FSHR: variants seen among roughly 807,000 people sequenced by gnomAD.
FSHR encodes follicle-stimulating hormone receptor.
A neutral mutation model predicts 52.1 loss-of-function variants in FSHR; 46 were observed. That is an observed-to-expected ratio of 0.88 (90% CI 0.70 to 1.13). FSHR has a LOEUF of 1.13. Ranked by LOEUF, FSHR falls within the 50% of genes most tolerant of loss-of-function variation. The pLI is 0.00. For synonymous variants in FSHR, 399 were observed against 309.6 expected, an observed-to-expected ratio of 1.29 and a Z score of -3.03; for missense variants, 964 against 834.6, an observed-to-expected ratio of 1.16 and a Z score of -1.91.
chr2:48,999,876 T>C (rs1182006851), intron 4 of FSHR, among the ~76,000 whole-genome samples: 1 of 152,108 alleles, frequency 6.6e-6, no homozygotes, highest in African/African-American at 2.4e-5. Flanking sequence ...TATCCTGAGT[T>C]TGGTGTTTCC....
chr2:49,154,497 C>A lies in FSHR; in HGVS notation c.-80G>T. The A allele has an allele frequency of 6.9e-7, 1 of 1,458,304 alleles. No individual in the cohort carries two copies. The highest frequency in any genetic ancestry group is 9.6e-7 in the Non-Finnish European group (1 of 1,043,718). The allele number at this position is 1,458,304 out of a possible 1,614,324, so 90.3% of individuals were successfully genotyped here. ...CAGATCTCAGAAGCTCCACACAGTGCCCTTATGAGAAGAGATCTGACTTGA... is the reference window on the plus strand; with the variant it reads ...CAGATCTCAGAAGCTCCACACAGTGACCTTATGAGAAGAGATCTGACTTGA... On this transcript the variant is annotated 5_prime_UTR_variant, in exon 1 of 10. Coordinates refer to ENST00000406846, the MANE Select transcript of FSHR (RefSeq NM_000145.4).
At chr2:49,016,427 T>TA (rs1296039254) in intron 4 of FSHR, among the ~76,000 whole-genome samples, 1 of 152,124 alleles carries the variant, frequency 6.6e-6, no homozygotes, top group Non-Finnish European at 1.5e-5. Flanking sequence ...ATCTTGGCCT[T>TA]AAGATGCTTG....
intron 4 of FSHR, among the ~76,000 whole-genome samples, chr2:49,004,733 G>C (rs926867446): frequency 6.6e-6 from 1 of 152,108 alleles, no homozygotes; most frequent in Non-Finnish European, 1.5e-5. Flanking sequence ...AAAAATCAGA[G>C]CTAAGCTTTA....
intron 8 of FSHR, among the ~76,000 whole-genome samples, chr2:48,979,720 C>A (rs569971314): frequency 6.6e-5 from 10 of 151,998 alleles, no homozygotes; most frequent in Admixed American, 1.3e-4. Context: ...AATGCATTAC[C>A]CTGATTCTGC....
At chr2:49,125,648 C>T (rs912624762) in intron 1 of FSHR, among the ~76,000 whole-genome samples, 1 of 152,226 alleles carries the variant, frequency 6.6e-6, no homozygotes, top group Admixed American at 6.5e-5. Context: ...TATACAGTCT[C>T]TGCTTTCTTC....
chr2:49,075,014 CAG>C (rs974334183), intron 1 of FSHR, among the ~76,000 whole-genome samples: 4 of 151,934 alleles, frequency 2.6e-5, no homozygotes, highest in African/African-American at 7.2e-5. Context: ...AAAAGTATAA[CAG>C]AGGATACTAG....
At chr2:48,998,150 G>C (rs943307672) in intron 4 of FSHR, among the ~76,000 whole-genome samples, 5 of 152,024 alleles carry the variant, frequency 3.3e-5, no homozygotes, top group African/African-American at 1.2e-4. Context: ...AAAAAGACAA[G>C]TGATCCAAAT....
chr2:49,128,805 C>T (rs900695941), intron 1 of FSHR, among the ~76,000 whole-genome samples: 9 of 151,822 alleles, frequency 5.9e-5, no homozygotes, highest in Admixed American at 2.0e-4. Flanking sequence ...TGGAAAAACT[C>T]GGACATGTGG....
chr2:49,133,821 G>T (rs758540947), intron 1 of FSHR, among the ~76,000 whole-genome samples: 8 of 152,186 alleles, frequency 5.3e-5, no homozygotes, highest in Admixed American at 1.3e-4. Flanking sequence ...AATGGGGAAA[G>T]GATTCCCTAT....
intron 1 of FSHR, among the ~76,000 whole-genome samples, chr2:49,071,529 A>G (rs1669729608): frequency 6.6e-6 from 1 of 152,204 alleles, no homozygotes. Flanking sequence ...GGATAAGAAA[A>G]TTTAATCCAG....
At chr2:49,099,149 A>G (rs1461348266) in intron 1 of FSHR, among the ~76,000 whole-genome samples, 1 of 151,980 alleles carries the variant, frequency 6.6e-6, no homozygotes, top group Non-Finnish European at 1.5e-5. Context: ...CATGGTTTAA[A>G]TGTGTTCCTA....
Position 48,971,783 on chromosome 2 carries a change from T to C in FSHR, c.669-2900A>G, listed in dbSNP as rs377146734. Among the ~76,000 whole-genome samples the C allele has an allele frequency of 5.4e-3, 823 of 152,342 alleles. 8 individuals are homozygous for C. The highest frequency in any genetic ancestry group is 0.019 in the African/African-American group (786 of 41,578). On this transcript the variant is annotated intron_variant, in intron 8 of 9. Transcript: ENST00000406846. The stretch of plus-strand genomic sequence containing the variant: ...ATGTTTGATGACTTTTTAAGGCTCA[T>C]ACAAATTTATACATTTTATGCCTTC...
chr2:49,104,488 TTTA>T (rs1419350123), intron 1 of FSHR, among the ~76,000 whole-genome samples: 23 of 152,298 alleles, frequency 1.5e-4, no homozygotes, highest in African/African-American at 5.3e-4. Context: ...AGGCTTTTCT[TTTA>T]GATAGAAAGA....
At chr2:49,011,469 T>C (rs1573089913) in intron 4 of FSHR, among the ~76,000 whole-genome samples, 2 of 152,310 alleles carry the variant, frequency 1.3e-5, no homozygotes, top group South Asian at 4.1e-4. Flanking sequence ...AGTTTTGGAA[T>C]AGGTGTGGTG....
At chr2:49,024,255 A>G (rs114087274) in intron 2 of FSHR, among the ~76,000 whole-genome samples, 1,654 of 152,152 alleles carry the variant, frequency 0.011, 23 homozygotes, top group African/African-American at 0.038. Context: ...CACATCATGT[A>G]TCCCAGAATT....
rs188228383 is a variant in FSHR, at chr2:48,977,365, A to C, written c.668+5547T>G. Among the ~76,000 whole-genome samples, 607 of 152,274 alleles carry C rather than the reference A, an allele frequency of 4.0e-3. 5 individuals carry two copies. Among genetic ancestry groups the C allele is most frequent in the Non-Finnish European group, 6.8e-3 (463 of 68,012 alleles). The stretch of plus-strand genomic sequence containing the variant: ...GTTTAGGATTTATATGAGCAGAAGA[A>C]TGGTTTATTCAAAGCTGGATTTTTG... On this transcript the variant is annotated intron_variant, in intron 8 of 9. Coordinates refer to ENST00000406846, the MANE Select transcript of FSHR (RefSeq NM_000145.4).
chr2:49,019,938 A>G, intron 3 of FSHR, 148 bp downstream of exon 3: 1 of 789,426 alleles, frequency 1.3e-6, no homozygotes, highest in Non-Finnish European at 2.3e-6. Context: ...GACACATTAC[A>G]GTGCCTTTTA....
At position 49,032,981 on chromosome 2, in the gene FSHR, G is replaced by A. The variant is rs543975819; in HGVS notation, c.225-12821C>T. 5.9e-5 allele frequency among the ~76,000 whole-genome samples: 9 copies of A among 152,284 alleles called. No individual in the cohort carries two copies. In the South Asian group the frequency reaches 1.7e-3, roughly 28 times the overall value. ...ATTTATTACATCAAATCCTTACTTAGATTTCAGAATTCATTTGAATACATT... is the reference window on the plus strand; with the variant it reads ...ATTTATTACATCAAATCCTTACTTAAATTTCAGAATTCATTTGAATACATT... On this transcript the variant is annotated intron_variant, in intron 2 of 9. Transcript: ENST00000406846.
chr2:48,986,874 A>G (rs887779395), intron 6 of FSHR, among the ~76,000 whole-genome samples: 1 of 152,224 alleles, frequency 6.6e-6, no homozygotes, highest in African/African-American at 2.4e-5. Flanking sequence ...TGATACTGTG[A>G]GAACAATATA....
Sources: gnomAD v4.1 joint callset for allele counts (sites outside exome capture counted in the v4.1 genomes callset) on GRCh38, gnomAD v4.1.1 for gene constraint, MANE v1.5 for transcripts, NCBI Gene and HGNC (gene_info 2026-07-23, HGNC 2026-07-21) for gene names.